Variants in DNAJC13 observed in about 807,000 individuals in gnomAD.
DNAJC13 encodes dnaJ homolog subfamily C member 13.
Under a neutral mutation model 290.5 loss-of-function variants are expected in DNAJC13, and 75 were observed. The observed-to-expected ratio is 0.26, with a 90% CI of 0.21 to 0.31. The LOEUF (loss-of-function observed/expected upper bound fraction) is 0.31, where lower values mean the gene tolerates loss of function less well. DNAJC13 is among the 10% of genes least tolerant of loss of function. The pLI, the probability that DNAJC13 is intolerant of heterozygous loss-of-function variation, is 1.00. For synonymous variants in DNAJC13, 862 were observed against 892.0 expected (o/e 0.97, Z 0.60); for missense variants, 2,260 against 2,674.5 (o/e 0.85, Z 3.42).
At chr3:132,459,810 A>G (rs1394644687) in intron 13 of DNAJC13, among the ~76,000 whole-genome samples, 1 of 152,208 alleles carries the variant, frequency 6.6e-6, no homozygotes, top group East Asian at 1.9e-4. Context: ...AGTTATTGTC[A>G]GTAGTAAAAT....
intron 34 of DNAJC13, among the ~76,000 whole-genome samples, chr3:132,494,556 T>A (rs1354920718): frequency 6.6e-6 from 1 of 152,200 alleles, no homozygotes; most frequent in African/African-American, 2.4e-5. Flanking sequence ...TGTTCATTTT[T>A]CCTCTTCCTT....
At chr3:132,484,756 C>A in intron 29 of DNAJC13, 84 bp downstream of exon 29, 1 of 1,282,188 alleles carries the variant, frequency 7.8e-7, no homozygotes, top group Non-Finnish European at 1.1e-6. Flanking sequence ...TGTTTTGTTG[C>A]AGTCTATTCC....
rs375745713 is a variant in DNAJC13 at position 132,526,159 on chromosome 3, G to A, written c.6259G>A (p.Ala2087Thr). 3 of 1,613,878 alleles carry A rather than the reference G, an allele frequency of 1.9e-6. No individual in the cohort carries two copies. The highest frequency in any genetic ancestry group is 2.2e-5 in the South Asian group (2 of 91,074). ...CACTTAGCTGTGTGTTCGAGCCATG[G>A]CATCTTTAGAGACCATTGGCCCACT... ...SENELCVRAM[A>T]SLETIGPLMN... Residue 2087 changes from alanine to threonine, a missense_variant, in exon 53 of 56, where the codon GCA becomes ACA. Transcript: ENST00000260818.
chr3:132,484,723 ATTT>A (rs1483585607), intron 29 of DNAJC13, 51 bp downstream of exon 29: 1 of 1,496,738 alleles, frequency 6.7e-7, no homozygotes, highest in Non-Finnish European at 9.3e-7. Context: ...TTTTCTCTGA[ATTT>A]TATTATCAGT....
Position 132,492,750 on chromosome 3 carries a change from T to C in DNAJC13, c.3825+135T>C, listed in dbSNP as rs1265699559. 7.1e-6 allele frequency: 5 copies of C among 706,560 alleles called. No homozygotes were observed. In the African/African-American group the frequency reaches 9.0e-5, roughly 13 times the overall value. 43.8% of individuals were successfully genotyped at this position (706,560 alleles called of 1,614,324 possible). A position where few individuals can be genotyped will look rare whatever the true frequency, so the allele number is the denominator to read the frequency against. On this transcript the variant is annotated intron_variant, in intron 33 of 55. Coordinates refer to ENST00000260818, the MANE Select transcript of DNAJC13 (RefSeq NM_015268.4). ...TCCTTCTTAAGCACTAAGCACTGTGTGACTCTGAGTATAGTTTATTATATT... is the reference window on the plus strand; with the variant it reads ...TCCTTCTTAAGCACTAAGCACTGTGCGACTCTGAGTATAGTTTATTATATT...
intron 1 of DNAJC13, among the ~76,000 whole-genome samples, chr3:132,421,378 T>G (rs1365977410): frequency 1.3e-5 from 2 of 152,234 alleles, no homozygotes; most frequent in African/African-American, 4.8e-5. Flanking sequence ...CATTTCAATA[T>G]GTAAATAGTT....
At chr3:132,439,781 G>A (rs1932992788) in intron 2 of DNAJC13, among the ~76,000 whole-genome samples, 1 of 152,148 alleles carries the variant, frequency 6.6e-6, no homozygotes, top group Non-Finnish European at 1.5e-5. Flanking sequence ...TATTTGCAGA[G>A]TATGTCCTAT....
chr3:132,430,707 C>T (rs6792616), intron 1 of DNAJC13, among the ~76,000 whole-genome samples: 31,494 of 152,028 alleles, frequency 0.21, 3,613 homozygotes, highest in African/African-American at 0.31. Flanking sequence ...GAAAAATATC[C>T]GTACACCTAT....
In DNAJC13 at chr3:132,421,942, C is replaced by G. The variant is rs190073383; in HGVS notation, c.-14+4182C>G. 4.4e-4 allele frequency among the ~76,000 whole-genome samples: 67 copies of G among 152,198 alleles called. 1 individual carries two copies. Among genetic ancestry groups the G allele is most frequent in the Non-Finnish European group, 5.7e-4 (39 of 68,000 alleles). On this transcript the variant is annotated intron_variant, in intron 1 of 55. Coordinates refer to ENST00000260818, the MANE Select transcript of DNAJC13 (RefSeq NM_015268.4). ...TGTACTTGGTGAGTTATATATAAAA[C>G]AATTAGAGTCTGGGATTCATTCATT...
Position 132,480,419 on chromosome 3 carries a change from C to G in DNAJC13, c.2823C>G (p.Asp941Glu). The G allele has an allele frequency of 6.2e-7, 1 of 1,613,608 alleles. No individual in the cohort carries two copies. Among genetic ancestry groups the G allele is most frequent in the Non-Finnish European group, 8.5e-7 (1 of 1,179,674 alleles). ...CAAATGGAATAAGAATCCTTGTGGA[C>G]TTGCTTACCCTTGCACATCTCCATG... is the stretch of plus-strand genomic sequence containing the variant. ...MDSNGIRILV[D>E]LLTLAHLHVS... The change falls in exon 26 of 56, where the codon GAC (aspartate) becomes GAG (glutamate). Residue 941 changes from aspartate to glutamate, a missense_variant. Physicochemically the swap from Asp to Glu is conservative, Grantham distance 45. Transcript: ENST00000260818.
At chr3:132,496,385 T>C in intron 35 of DNAJC13, 143 bp from the exon 36 acceptor site, 2 of 734,200 alleles carry the variant, frequency 2.7e-6, no homozygotes, top group Non-Finnish European at 4.1e-6. Flanking sequence ...GTATACCAGC[T>C]AGATTACAGT....
chr3:132,483,642 G>C, intron 28 of DNAJC13, 65 bp downstream of exon 28: 6 of 1,496,524 alleles, frequency 4.0e-6, no homozygotes, highest in Non-Finnish European at 5.6e-6. Context: ...CATAGAATCG[G>C]TCTGGTGTTT....
intron 33 of DNAJC13, among the ~76,000 whole-genome samples, chr3:132,493,135 A>G (rs1935117166): frequency 1.3e-5 from 2 of 152,010 alleles, no homozygotes; most frequent in Admixed American, 6.6e-5. Flanking sequence ...TCACATAAGC[A>G]TAATTCCTGG....
Position 132,490,885 on chromosome 3 carries a change from T to G in DNAJC13, c.3469-12T>G, listed in dbSNP as rs1227719582. ...TGTTTTTGACTACCTTTTGTTTTGT[T>G]TTGTTTTGAAGACAAAAGGACAAGA... On this transcript the variant is annotated splice_polypyrimidine_tract_variant and intron_variant, in intron 31 of 55. Transcript: ENST00000260818. 6.5e-7 allele frequency: 1 copy of G among 1,550,378 alleles called. No homozygotes were observed. The highest frequency in any genetic ancestry group is 1.4e-5 in the African/African-American group (1 of 71,906).
chr3:132,508,925 A>G (rs1205699676), intron 43 of DNAJC13, among the ~76,000 whole-genome samples: 5 of 152,208 alleles, frequency 3.3e-5, no homozygotes. Context: ...TCAAAATACT[A>G]CTGCTCGTTG....
intron 1 of DNAJC13, among the ~76,000 whole-genome samples, chr3:132,423,630 TA>T (rs772227324): frequency 3.2e-4 from 48 of 152,218 alleles, no homozygotes; most frequent in Non-Finnish European, 6.9e-4. Context: ...CTATAAACTG[TA>T]AAGCGCCACA....
At position 132,520,155 on chromosome 3, in the gene DNAJC13, T is replaced by G. The variant is rs188993526; in HGVS notation, c.5674-2673T>G. Among the ~76,000 whole-genome samples, 76 of 152,336 alleles carry G rather than the reference T, an allele frequency of 5.0e-4. 1 individual carries two copies. In the Middle Eastern group the frequency reaches 0.014, roughly 27 times the overall value. ...AGCCAAACCATATCAAAGGACCATA[T>G]AGTCAATATTCTATCCTTTGTGGGG... On this transcript the variant is annotated intron_variant, in intron 48 of 55. Coordinates refer to ENST00000260818, the MANE Select transcript of DNAJC13 (RefSeq NM_015268.4).
chr3:132,521,454 C>G (rs1232126011), intron 48 of DNAJC13, among the ~76,000 whole-genome samples: 4 of 152,180 alleles, frequency 2.6e-5, no homozygotes, highest in Admixed American at 2.6e-4. Flanking sequence ...GAGCAAAACT[C>G]TTGCTTTATG....
At chr3:132,484,001 T>A (rs1246514358) in intron 28 of DNAJC13, among the ~76,000 whole-genome samples, 1 of 152,204 alleles carries the variant, frequency 6.6e-6, no homozygotes. Context: ...CTCCAAGTCA[T>A]AAGGATAACA....
Sources: gnomAD v4.1 joint callset for allele counts (sites outside exome capture counted in the v4.1 genomes callset) on GRCh38, gnomAD v4.1.1 for gene constraint, MANE v1.5 for transcripts, NCBI Gene and HGNC (gene_info 2026-07-23, HGNC 2026-07-21) for gene names.